The following FUBP3 variants were observed in gnomAD, a reference collection of about 807,000 sequenced individuals.
FUBP3 encodes the protein far upstream element binding protein 3.
Under a neutral mutation model 85.6 loss-of-function variants are expected in FUBP3, and 28 were observed. The observed-to-expected ratio is 0.33, with a 90% CI of 0.24 to 0.45. The LOEUF (loss-of-function observed/expected upper bound fraction) is 0.45, where lower values mean the gene tolerates loss of function less well. Among genes scored for constraint, FUBP3 ranks in the 20% least tolerant of loss-of-function variants. The pLI, the probability that FUBP3 is intolerant of heterozygous loss-of-function variation, is 1.00. For synonymous variants in FUBP3, 271 were observed against 271.4 expected (o/e 1.00, Z 0.01); for missense variants, 583 against 755.1 (o/e 0.77, Z 2.67).
chr9:130,627,532 G>T (rs1386158332), intron 12 of FUBP3, among the ~76,000 whole-genome samples: 1 of 152,226 alleles, frequency 6.6e-6, no homozygotes. Flanking sequence ...CCTCGTCCCT[G>T]CTCACAGACA....
intron 6 of FUBP3, among the ~76,000 whole-genome samples, chr9:130,614,755 C>T (rs1473830246): frequency 6.6e-6 from 1 of 152,192 alleles, no homozygotes; most frequent in African/African-American, 2.4e-5. Flanking sequence ...TCCCGTTACC[C>T]TTCTGATATT....
Position 130,634,579 on chromosome 9 carries a change from A to C in FUBP3, c.1511-88A>C, listed in dbSNP as rs534575868. 4.3e-5 allele frequency: 42 copies of C among 984,230 alleles called. 1 individual carries two copies. The South Asian group carries it at 5.7e-4, about 13-fold the overall frequency. 61.0% of individuals were successfully genotyped at this position (984,230 alleles called of 1,614,324 possible). On this transcript the variant is annotated intron_variant, in intron 16 of 18. Transcript: ENST00000319725. ...TGTGTGGCCAGGAGCGAGGTGGAGGAGTGCAGGGCAGGGCCTGCAGCTGGC... is the reference window on the plus strand; with the variant it reads ...TGTGTGGCCAGGAGCGAGGTGGAGGCGTGCAGGGCAGGGCCTGCAGCTGGC...
rs1373823334 is a variant in FUBP3, at chr9:130,603,452, C to G, written c.191-6502C>G. Among the ~76,000 whole-genome samples the G allele has an allele frequency of 2.0e-5, 3 of 152,014 alleles. No homozygotes were observed. In the East Asian group the frequency reaches 5.8e-4, roughly 29 times the overall value. On this transcript the variant is annotated intron_variant, in intron 2 of 18. Transcript: ENST00000319725. ...CTGTGCCCTACCCCCCTACCTCAGC[C>G]ACCTGCATTTGTTTCTTCCTCCCTC...
chr9:130,637,035 G>A lies in FUBP3; in HGVS notation c.*13G>A, dbSNP rs749779281. On this transcript the variant is annotated 3_prime_UTR_variant, in exon 19 of 19. Coordinates refer to ENST00000319725, the MANE Select transcript of FUBP3 (RefSeq NM_003934.2). The stretch of plus-strand genomic sequence containing the variant: ...ACAGGAGCAGTAGGACAGCGTCCTC[G>A]TGGCCAACTCTCCCCTCAAAATCAT... The A allele has an allele frequency of 3.1e-6, 5 of 1,607,310 alleles. No homozygotes were observed. Among genetic ancestry groups the A allele is most frequent in the African/African-American group, 1.3e-5 (1 of 74,904 alleles).
intron 1 of FUBP3, among the ~76,000 whole-genome samples, chr9:130,589,669 G>GTGTGTGTGTGTGTATGTGTA: frequency 3.0e-5 from 1 of 33,732 alleles, no homozygotes; most frequent in Non-Finnish European, 5.2e-5. Flanking sequence ...ATGTATGTAT[G>GTGTGTGTGTGTGTATGTGTA]TGTGTGTATA....
chr9:130,589,699 A>ATTTTTTT (rs1374682144), intron 1 of FUBP3, among the ~76,000 whole-genome samples: 5 of 28,606 alleles, frequency 1.7e-4, no homozygotes, highest in African/African-American at 1.0e-3. Flanking sequence ...ATATATATAT[A>ATTTTTTT]TATATATTTT....
intron 9 of FUBP3, among the ~76,000 whole-genome samples, chr9:130,621,584 A>G (rs1829748848): frequency 6.6e-6 from 1 of 152,128 alleles, no homozygotes; most frequent in African/African-American, 2.4e-5. Context: ...TTTTGATCAA[A>G]TCTCAAATTG....
intron 12 of FUBP3, 47 bp downstream of exon 12, chr9:130,626,552 G>C: frequency 6.3e-7 from 1 of 1,596,556 alleles, no homozygotes; most frequent in Non-Finnish European, 8.6e-7. Context: ...TGTTTGGCTT[G>C]AGGGAAGGCA....
chr9:130,634,525 C>T (rs1385359662), intron 16 of FUBP3, 142 bp from the exon 17 acceptor site: 11 of 635,528 alleles, frequency 1.7e-5, no homozygotes, highest in Non-Finnish European at 2.7e-5. Context: ...CCAGCTGCCA[C>T]CTCCTTCCCA....
rs369585277 is a variant in FUBP3, at chr9:130,587,055, G to GTTT, written c.84+7301_84+7303dup. Among the ~76,000 whole-genome samples, 4 of 119,366 alleles carry GTTT rather than the reference G, an allele frequency of 3.4e-5. No homozygotes were observed. The South Asian group carries it at 1.2e-3, about 35-fold the overall frequency. 78.3% of individuals were successfully genotyped at this position (119,366 alleles called of 152,430 possible). ...TGAGCCACTGCACCCGGCGTTTTTTGTTTTTTTTTTTTGTTTGTTTGTTTT... is the reference window on the plus strand; with the variant it reads ...TGAGCCACTGCACCCGGCGTTTTTTGTTTTTTTTTTTTTTTGTTTGTTTGTTTT... On this transcript the variant is annotated intron_variant, in intron 1 of 18. Coordinates refer to ENST00000319725, the MANE Select transcript of FUBP3 (RefSeq NM_003934.2).
intron 6 of FUBP3, among the ~76,000 whole-genome samples, 200 bp downstream of exon 6, chr9:130,614,545 T>G (rs1387209018): frequency 6.6e-6 from 1 of 152,176 alleles, no homozygotes. Context: ...GATATCACAT[T>G]TGTTCTAAAC....
At chr9:130,609,690 C>T (rs1385758690) in intron 2 of FUBP3, among the ~76,000 whole-genome samples, 1 of 152,204 alleles carries the variant, frequency 6.6e-6, no homozygotes, top group African/African-American at 2.4e-5. Context: ...GATTTTCTCC[C>T]AGGCCTCACA....
At chr9:130,592,720 T>A (rs527883499) in intron 1 of FUBP3, among the ~76,000 whole-genome samples, 36 of 152,132 alleles carry the variant, frequency 2.4e-4, no homozygotes, top group Non-Finnish European at 1.2e-4. Flanking sequence ...CTTTTTTATT[T>A]TTTGTAGAGA....
rs117985241 is a variant in FUBP3, at chr9:130,610,913, G to A, written c.224+926G>A. Among the ~76,000 whole-genome samples, 1,135 of 152,198 alleles carry A rather than the reference G, an allele frequency of 7.5e-3. 10 individuals are homozygous for A. The highest frequency in any genetic ancestry group is 0.024 in the Middle Eastern group (7 of 294). The stretch of plus-strand genomic sequence containing the variant: ...ACTGAAAAATTTAAATGAGGTGATC[G>A]TTAGTATCAAATGCTGACTTTCCTA... On this transcript the variant is annotated intron_variant, in intron 3 of 18. Transcript: ENST00000319725.
chr9:130,631,536 G>C, intron 13 of FUBP3, 21 bp from the exon 14 acceptor site: 2 of 1,600,644 alleles, frequency 1.2e-6, no homozygotes, highest in Non-Finnish European at 1.7e-6. Context: ...GCGGGTGAGA[G>C]CTCCCTCTGT....
At chr9:130,620,240 C>A in intron 8 of FUBP3, 114 bp from the exon 9 acceptor site, 1 of 601,394 alleles carries the variant, frequency 1.7e-6, no homozygotes, top group Non-Finnish European at 3.0e-6. Flanking sequence ...AATTGTCCTA[C>A]AGCTGAGCGC....
chr9:130,596,211 G>C (rs1830858989), intron 2 of FUBP3, among the ~76,000 whole-genome samples: 1 of 152,178 alleles, frequency 6.6e-6, no homozygotes, highest in Non-Finnish European at 1.5e-5. Context: ...TTTCTGTAGA[G>C]AGCTTGGACA....
chr9:130,582,123 G>C (rs1830154001), intron 1 of FUBP3: 1 of 152,202 alleles, frequency 6.6e-6, no homozygotes, highest in Non-Finnish European at 1.5e-5. Flanking sequence ...TTTGGCACAA[G>C]CAGGTAATTT....
chr9:130,634,633 G>GT, intron 16 of FUBP3, 34 bp from the exon 17 acceptor site: 1 of 1,594,562 alleles, frequency 6.3e-7, no homozygotes, highest in Non-Finnish European at 8.6e-7. Context: ...TGAGGAGCCC[G>GT]TAAGGCCTGA....
Sources: gnomAD v4.1 joint callset for allele counts (sites outside exome capture counted in the v4.1 genomes callset) on GRCh38, gnomAD v4.1.1 for gene constraint, MANE v1.5 for transcripts, NCBI Gene and HGNC (gene_info 2026-07-23, HGNC 2026-07-21) for gene names.